Variants in PRKN observed in about 807,000 individuals in gnomAD.
The protein encoded by PRKN is E3 ubiquitin-protein ligase parkin.
A neutral mutation model predicts 59.5 loss-of-function variants in PRKN; 56 were observed. That is an observed-to-expected ratio of 0.94 (90% confidence interval 0.76 to 1.18). The LOEUF (loss-of-function observed/expected upper bound fraction) is 1.18, where lower values mean the gene tolerates loss of function less well. Among genes scored for constraint, PRKN ranks in the 50% most tolerant of loss-of-function variants. The probability of loss-of-function intolerance (pLI) is 0.00; values close to 1 mark genes in which losing one functional copy is unlikely to be tolerated. For missense variants in PRKN, 657 were observed against 596.4 expected, an observed-to-expected ratio of 1.10 and a Z score of -1.06; for synonymous variants, 250 against 222.1, an observed-to-expected ratio of 1.13 and a Z score of -1.12.
intron 2 of PRKN, among the ~76,000 whole-genome samples, chr6:162,387,322 A>G (rs902774784): frequency 6.6e-6 from 1 of 151,952 alleles, no homozygotes; most frequent in Non-Finnish European, 1.5e-5. Flanking sequence ...TATTCTCAAC[A>G]AAAGCTTATT....
intron 9 of PRKN, among the ~76,000 whole-genome samples, chr6:161,514,344 C>T (rs1307961214): frequency 3.9e-5 from 6 of 151,986 alleles, no homozygotes; most frequent in South Asian, 2.1e-4. Context: ...AGAAACAAAC[C>T]GGGTCTGAGC....
chr6:162,719,083 C>T (rs545718646), intron 1 of PRKN, among the ~76,000 whole-genome samples: 1 of 152,280 alleles, frequency 6.6e-6, no homozygotes, highest in Admixed American at 6.5e-5. Context: ...GAGTGGAAAG[C>T]CCACAACAGA....
chr6:161,469,747 C>A (rs1277730744), intron 9 of PRKN, among the ~76,000 whole-genome samples: 1 of 152,132 alleles, frequency 6.6e-6, no homozygotes, highest in Non-Finnish European at 1.5e-5. Context: ...CCCTGCGACA[C>A]CTTAACTTTA....
chr6:161,471,576 G>A lies in PRKN; in HGVS notation c.1083+77278C>T, dbSNP rs530742251. Among the ~76,000 whole-genome samples the A allele has an allele frequency of 6.6e-6, 1 of 152,218 alleles. No individual in the cohort carries two copies. Among genetic ancestry groups the A allele is most frequent in the Admixed American group, 6.5e-5 (1 of 15,278 alleles). On this transcript the variant is annotated intron_variant, in intron 9 of 11. Coordinates refer to ENST00000366898, the MANE Select transcript of PRKN (RefSeq NM_004562.3). The surrounding 1 kb of genome is among the most constrained non-coding windows in gnomAD (Gnocchi z 4.5). ...CATTAACAACTTGAAAATAGACCTT[G>A]ACAGAATGATGACCTAATTTCTATA...
chr6:162,040,458 T>A (rs953556554), intron 5 of PRKN, among the ~76,000 whole-genome samples: 1 of 149,462 alleles, frequency 6.7e-6, no homozygotes, highest in African/African-American at 2.5e-5. Context: ...CAGGCTGGAG[T>A]GCAATGGCAC....
At chr6:161,897,896 G>A (rs1453434780) in intron 6 of PRKN, among the ~76,000 whole-genome samples, 3 of 139,558 alleles carry the variant, frequency 2.1e-5, no homozygotes, top group Non-Finnish European at 3.0e-5. Context: ...GAACCCGGGA[G>A]GCGGAGCTTG....
rs1174782425 is a variant in PRKN, at chr6:161,545,718, G to C, written c.1083+3136C>G. 6.6e-6 allele frequency among the ~76,000 whole-genome samples: 1 copy of C among 152,178 alleles called. No individual in the cohort carries two copies. Among genetic ancestry groups the C allele is most frequent in the Admixed American group, 6.5e-5 (1 of 15,270 alleles). On this transcript the variant is annotated intron_variant, in intron 9 of 11. Transcript: ENST00000366898. The surrounding 1 kb of genome is among the most constrained non-coding windows in gnomAD (Gnocchi z 4.1). ...TTTATGACCTCTATATATGCTATAG[G>C]GAGCCCACAGATGTAGCTTTAGATT...
intron 6 of PRKN, among the ~76,000 whole-genome samples, chr6:161,931,404 C>G (rs975440567): frequency 1.2e-4 from 18 of 152,188 alleles, no homozygotes; most frequent in African/African-American, 4.3e-4. Context: ...CACCACTGCA[C>G]TCCAGCCTCC....
At chr6:162,244,576 G>A (rs1193173241) in intron 3 of PRKN, among the ~76,000 whole-genome samples, 2 of 151,998 alleles carry the variant, frequency 1.3e-5, no homozygotes, top group Non-Finnish European at 2.9e-5. Flanking sequence ...ACAGGTATAT[G>A]CATTCACGCC....
chr6:161,350,133 C>T lies in PRKN; in HGVS notation c.1364G>A (p.Arg455His), dbSNP rs748955949. ...WCWNCGCEWNRVCMGDHWFDV is the reference protein window; with the variant it reads ...WCWNCGCEWNHVCMGDHWFDV ...GAACCAGTGGTCCCCCATGCAGACG[C>T]GGTTCCACTCGCAGCCACAGTTCCA... The change falls in exon 12 of 12, where the codon CGC becomes CAC. Residue 455 changes from arginine to histidine, a missense_variant. Transcript: ENST00000366898. 3.4e-5 allele frequency: 55 copies of T among 1,613,426 alleles called. No homozygotes were observed. The highest frequency in any genetic ancestry group is 4.1e-5 in the Non-Finnish European group (48 of 1,179,902).
chr6:161,441,260 C>T (rs534684486), intron 9 of PRKN, among the ~76,000 whole-genome samples: 8 of 152,284 alleles, frequency 5.3e-5, no homozygotes, highest in South Asian at 4.2e-4. Flanking sequence ...TGAAGAGAAG[C>T]GCAGTCCATG....
chr6:162,238,669 C>G (rs1583248561), intron 3 of PRKN, among the ~76,000 whole-genome samples: 1 of 152,120 alleles, frequency 6.6e-6, no homozygotes, highest in East Asian at 1.9e-4. Flanking sequence ...CAAAGTTCAC[C>G]CTTTTATTCA....
chr6:162,302,076 C>T (rs972641361), intron 2 of PRKN, among the ~76,000 whole-genome samples: 2 of 152,056 alleles, frequency 1.3e-5, no homozygotes, highest in Non-Finnish European at 2.9e-5. Context: ...TTCACTATTC[C>T]TGTCTTCCTC....
At chr6:162,590,808 C>T (rs1314795028) in intron 1 of PRKN, among the ~76,000 whole-genome samples, 1 of 152,162 alleles carries the variant, frequency 6.6e-6, no homozygotes, top group Non-Finnish European at 1.5e-5. Flanking sequence ...CATGACCCGG[C>T]ACAGACGCAA....
chr6:161,382,395 T>G (rs1159907834), intron 10 of PRKN, among the ~76,000 whole-genome samples: 3 of 152,148 alleles, frequency 2.0e-5, no homozygotes, highest in African/African-American at 7.2e-5. Context: ...GAGCAGTTGC[T>G]GATCCCCAAC....
chr6:162,507,985 C>T (rs1262369461), intron 1 of PRKN, among the ~76,000 whole-genome samples: 2 of 152,174 alleles, frequency 1.3e-5, no homozygotes, highest in Admixed American at 6.5e-5. Context: ...AAGTATGAGA[C>T]TTGCTATATT....
chr6:162,405,831 C>T (rs142015175), intron 2 of PRKN, among the ~76,000 whole-genome samples: 165 of 152,248 alleles, frequency 1.1e-3, no homozygotes, highest in East Asian at 9.7e-3. Context: ...TCAGAGTAAA[C>T]CCCGAGTGAT....
At chr6:161,949,249 C>T (rs565055597) in intron 6 of PRKN, among the ~76,000 whole-genome samples, 236 of 152,272 alleles carry the variant, frequency 1.5e-3, no homozygotes, top group African/African-American at 5.1e-3. Context: ...TGGTGGCTCA[C>T]GCCAGTAATC....
At position 161,642,320 on chromosome 6, in the gene PRKN, G is replaced by A. The variant is rs559379500; in HGVS notation, c.872-72904C>T. Among the ~76,000 whole-genome samples the A allele has an allele frequency of 3.4e-4, 52 of 152,250 alleles. 3 individuals are homozygous for A. The South Asian group carries it at 6.0e-3, about 18-fold the overall frequency. The stretch of plus-strand genomic sequence containing the variant: ...TCATGATAAAGTGTACCTTTAACTT[G>A]AGTTAATACAAATGTAAATTAGATA... On this transcript the variant is annotated intron_variant, in intron 7 of 11. Coordinates refer to ENST00000366898, the MANE Select transcript of PRKN (RefSeq NM_004562.3).
Sources: allele counts gnomAD v4.1 joint callset (sites outside exome capture counted in the v4.1 genomes callset), GRCh38; gene constraint gnomAD v4.1.1; non-coding constraint Gnocchi (gnomAD v3.1); transcripts MANE v1.5; gene names NCBI Gene and HGNC (gene_info 2026-07-23, HGNC 2026-07-21).